Variants in PRKN observed in about 807,000 individuals in gnomAD.
PRKN encodes E3 ubiquitin-protein ligase parkin.
A neutral mutation model predicts 59.5 loss-of-function variants in PRKN; 56 were observed. That is an observed-to-expected ratio of 0.94 (90% CI 0.76 to 1.18). The LOEUF (loss-of-function observed/expected upper bound fraction) is 1.18, where lower values mean the gene tolerates loss of function less well. PRKN is among the 50% of genes most tolerant of loss of function. PRKN has a pLI of 0.00. For missense variants in PRKN, 657 were observed against 596.4 expected, an observed-to-expected ratio of 1.10 and a Z score of -1.06; for synonymous variants, 250 against 222.1, an observed-to-expected ratio of 1.13 and a Z score of -1.12.
chr6:161,384,860 A>G (rs957848716), intron 10 of PRKN, among the ~76,000 whole-genome samples: 7 of 152,120 alleles, frequency 4.6e-5, no homozygotes, highest in African/African-American at 1.7e-4. Context: ...TGTAATTACG[A>G]TATTCATTTT....
chr6:162,120,282 G>A (rs138845219), intron 4 of PRKN, among the ~76,000 whole-genome samples: 1 of 152,316 alleles, frequency 6.6e-6, no homozygotes, highest in African/African-American at 2.4e-5. Flanking sequence ...GGGATTATAG[G>A]CGTGAGCCAC....
chr6:161,577,374 T>A (rs2143742), intron 7 of PRKN, among the ~76,000 whole-genome samples: 107,916 of 152,082 alleles, frequency 0.71, 39,641 homozygotes, highest in African/African-American at 0.91. Flanking sequence ...ATAATAAAAA[T>A]CTCTAGATGA....
chr6:162,383,788 T>C (rs1007544932), intron 2 of PRKN, among the ~76,000 whole-genome samples: 7 of 152,202 alleles, frequency 4.6e-5, no homozygotes, highest in African/African-American at 1.7e-4. Context: ...ATCTGTTGTT[T>C]ACTGTTGTCA....
At chr6:162,464,657 TAC>T (rs1374405081) in intron 1 of PRKN, among the ~76,000 whole-genome samples, 64 of 42,888 alleles carry the variant, frequency 1.5e-3, no homozygotes, top group African/African-American at 6.0e-3. Flanking sequence ...CTACTAAAAA[TAC>T]AAAAAAAAAA....
intron 7 of PRKN, among the ~76,000 whole-genome samples, chr6:161,711,784 C>G (rs375528824): frequency 6.6e-5 from 10 of 152,282 alleles, no homozygotes; most frequent in African/African-American, 2.2e-4. Flanking sequence ...AGTCTTCCAG[C>G]CTTCATCTTT....
intron 7 of PRKN, among the ~76,000 whole-genome samples, chr6:161,732,837 C>T (rs79847811): frequency 0.099 from 14,997 of 152,098 alleles, 1,429 homozygotes; most frequent in African/African-American, 0.24. Flanking sequence ...TGGTCTCATG[C>T]AAACAATGTC....
chr6:162,222,725 TTGTGAGA>T (rs1777988850), intron 3 of PRKN, among the ~76,000 whole-genome samples: 1 of 152,118 alleles, frequency 6.6e-6, no homozygotes, highest in Non-Finnish European at 1.5e-5. Context: ...CTCACAGAAA[TTGTGAGA>T]TCATAAATGG....
At chr6:161,900,395 G>A (rs1411296089) in intron 6 of PRKN, among the ~76,000 whole-genome samples, 6 of 147,416 alleles carry the variant, frequency 4.1e-5, no homozygotes, top group Non-Finnish European at 7.4e-5. Context: ...CTGCCACTGA[G>A]TGTGGGATCA....
At chr6:162,068,921 C>A (rs1388374112) in intron 4 of PRKN, among the ~76,000 whole-genome samples, 1 of 152,136 alleles carries the variant, frequency 6.6e-6, no homozygotes, top group Non-Finnish European at 1.5e-5. Context: ...ATTAAAGTTT[C>A]AGAAATGGTA....
chr6:161,868,247 C>G (rs1182711007), intron 6 of PRKN, among the ~76,000 whole-genome samples: 1 of 148,832 alleles, frequency 6.7e-6, no homozygotes, highest in African/African-American at 2.6e-5. Flanking sequence ...TTATAAGACG[C>G]AAGATCCTAA....
chr6:161,482,020 G>A (rs892285063), intron 9 of PRKN, among the ~76,000 whole-genome samples: 1 of 151,724 alleles, frequency 6.6e-6, no homozygotes, highest in Non-Finnish European at 1.5e-5. Context: ...GGGGGTGGGG[G>A]AGACTGCAAC....
intron 4 of PRKN, among the ~76,000 whole-genome samples, chr6:162,118,328 G>A (rs1357454340): frequency 6.6e-6 from 1 of 151,578 alleles, no homozygotes; most frequent in African/African-American, 2.4e-5. Flanking sequence ...TGGTTGTGAA[G>A]CCGGGAGGTG....
rs988475063 is a variant in PRKN at position 161,395,122 on chromosome 6, A to G, written c.1084-8245T>C. On this transcript the variant is annotated intron_variant, in intron 9 of 11. Transcript: ENST00000366898. This position sits in a 1 kb window ranked among gnomAD's most constrained non-coding sequence, Gnocchi z 5.0. ...TGGTCAGCTACATAGCTTCCCAGAG[A>G]CAATCACTGTCACCTGTTTGTATAG... Among the ~76,000 whole-genome samples the G allele has an allele frequency of 6.6e-6, 1 of 152,184 alleles. No individual in the cohort carries two copies. Among genetic ancestry groups the G allele is most frequent in the Non-Finnish European group, 1.5e-5 (1 of 68,040 alleles).
intron 6 of PRKN, among the ~76,000 whole-genome samples, chr6:161,865,013 G>GT (rs1383685517): frequency 2.6e-5 from 4 of 152,098 alleles, no homozygotes; most frequent in Non-Finnish European, 5.9e-5. Context: ...TTGAAAATGT[G>GT]TTTTTAAATT....
In PRKN at chr6:161,575,156, A is replaced by C. The variant is rs1373141140; in HGVS notation, c.872-5740T>G. On this transcript the variant is annotated intron_variant, in intron 7 of 11. Transcript: ENST00000366898. This position sits in a 1 kb window ranked among gnomAD's most constrained non-coding sequence, Gnocchi z 4.6. Reference sequence around the variant, plus strand: ...CAATGAATACCAGCTTTTTGGTGTTAAAAATGAATAAGACAATTTGTTAAA... The same window carrying C: ...CAATGAATACCAGCTTTTTGGTGTTCAAAATGAATAAGACAATTTGTTAAA... Among the ~76,000 whole-genome samples, 1 of 152,200 alleles carries C rather than the reference A, an allele frequency of 6.6e-6. No individual in the cohort carries two copies. Among genetic ancestry groups the C allele is most frequent in the Non-Finnish European group, 1.5e-5 (1 of 68,028 alleles).
chr6:162,262,782 T>TAAAAAAAAAAAAAAAAAAAAAACAAA lies in PRKN; in HGVS notation c.172-18_172-17insTTTGTTTTTTTTTTTTTTTTTTTTTT. ...GTCACAATTCTGTTTGGGAGCAAGG[T>TAAAAAAAAAAAAAAAAAAAAAACAAA]AAAAAAAAAAAAAAAAAAAAAGGAA... On this transcript the variant is annotated splice_polypyrimidine_tract_variant and intron_variant, in intron 2 of 11. Transcript: ENST00000366898. 1 of 1,360,316 alleles carries TAAAAAAAAAAAAAAAAAAAAAACAAA rather than the reference T, an allele frequency of 7.4e-7. No homozygotes were observed. Among genetic ancestry groups the TAAAAAAAAAAAAAAAAAAAAAACAAA allele is most frequent in the Non-Finnish European group, 9.5e-7 (1 of 1,052,646 alleles). The allele number at this position is 1,360,316 out of a possible 1,614,324, so 84.3% of individuals were successfully genotyped here.
In PRKN at chr6:161,487,276, A is replaced by G. The variant is rs1791695187; in HGVS notation, c.1083+61578T>C. Among the ~76,000 whole-genome samples, 1 of 152,180 alleles carries G rather than the reference A, an allele frequency of 6.6e-6. No individual in the cohort carries two copies. Among genetic ancestry groups the G allele is most frequent in the Non-Finnish European group, 1.5e-5 (1 of 68,030 alleles). The stretch of plus-strand genomic sequence containing the variant: ...CATGAAGTGGGCTTGCTCAGTAACA[A>G]CTGCTCAGTGAAGGGGCTGGGACTC... On this transcript the variant is annotated intron_variant, in intron 9 of 11. Transcript: ENST00000366898. This position sits in a 1 kb window ranked among gnomAD's most constrained non-coding sequence, Gnocchi z 5.3.
chr6:162,490,163 AGGAGCCTCTACACCCTTATTACTTTC>A (rs1792737700), intron 1 of PRKN, among the ~76,000 whole-genome samples: 1 of 152,200 alleles, frequency 6.6e-6, no homozygotes, highest in Non-Finnish European at 1.5e-5. Flanking sequence ...CACTGCCTGC[AGGAGCCTCTACACCCTTATTACTTTC>A]TGGGTTATTG....
At position 161,440,507 on chromosome 6, in the gene PRKN, G is replaced by A. The variant is rs528433164; in HGVS notation, c.1084-53630C>T. On this transcript the variant is annotated intron_variant, in intron 9 of 11. Coordinates refer to ENST00000366898, the MANE Select transcript of PRKN (RefSeq NM_004562.3). The surrounding 1 kb of genome is among the most constrained non-coding windows in gnomAD (Gnocchi z 4.1). ...TGCTGCCTCTGGGAGGCTGCCTCTC[G>A]GGATAGATTGAATTGTTCTGCAAAG... is the stretch of plus-strand genomic sequence containing the variant. 3.3e-5 allele frequency among the ~76,000 whole-genome samples: 5 copies of A among 152,230 alleles called. No homozygotes were observed. Among genetic ancestry groups the A allele is most frequent in the South Asian group, 2.1e-4 (1 of 4,826 alleles).
Sources: allele counts gnomAD v4.1 joint callset (sites outside exome capture counted in the v4.1 genomes callset), GRCh38; gene constraint gnomAD v4.1.1; non-coding constraint Gnocchi (gnomAD v3.1); transcripts MANE v1.5; gene names NCBI Gene and HGNC (gene_info 2026-07-23, HGNC 2026-07-21).